BCAT1: variants seen among roughly 807,000 people sequenced by gnomAD.
BCAT1 encodes branched-chain-amino-acid aminotransferase, cytosolic.
BCAT1 carries 48 observed loss-of-function variants against 52.4 expected under a neutral mutation model. That is an observed-to-expected ratio of 0.92 (90% CI 0.73 to 1.16). The LOEUF (loss-of-function observed/expected upper bound fraction) is 1.16, where lower values mean the gene tolerates loss of function less well. Among genes scored for constraint, BCAT1 ranks in the 50% most tolerant of loss-of-function variants. The pLI is 0.00. For synonymous variants in BCAT1, 167 were observed against 161.3 expected, an observed-to-expected ratio of 1.04 and a Z score of -0.27; for missense variants, 451 against 457.1, an observed-to-expected ratio of 0.99 and a Z score of 0.12.
At chr12:24,923,154 A>T (rs1413690527) in intron 1 of BCAT1, among the ~76,000 whole-genome samples, 1 of 152,204 alleles carries the variant, frequency 6.6e-6, no homozygotes, top group Non-Finnish European at 1.5e-5. Context: ...GCAGATGTTC[A>T]GCAGAAACTT....
chr12:24,843,944 C>A (rs1158850456), intron 6 of BCAT1, among the ~76,000 whole-genome samples: 3 of 152,068 alleles, frequency 2.0e-5, no homozygotes, highest in Non-Finnish European at 4.4e-5. Flanking sequence ...TCGGCTGTGT[C>A]CATGATCACC....
intron 6 of BCAT1, among the ~76,000 whole-genome samples, chr12:24,849,583 G>A (rs925023017): frequency 1.4e-4 from 21 of 152,316 alleles, no homozygotes; most frequent in African/African-American, 4.3e-4. Context: ...ATCTAAAAGC[G>A]AGGGCACTGA....
chr12:24,912,701 A>T (rs1206954651), intron 1 of BCAT1, among the ~76,000 whole-genome samples: 8 of 45,970 alleles, frequency 1.7e-4, no homozygotes, highest in African/African-American at 2.9e-4. Flanking sequence ...CCCATCTCTA[A>T]AAAAAAAAAA....
intron 1 of BCAT1, among the ~76,000 whole-genome samples, chr12:24,943,356 G>A (rs1014338940): frequency 1.3e-5 from 2 of 151,922 alleles, no homozygotes; most frequent in African/African-American, 2.4e-5. Context: ...CACCGGGCGT[G>A]GTGGCACATG....
intron 1 of BCAT1, among the ~76,000 whole-genome samples, chr12:24,932,832 G>C (rs1943695273): frequency 6.7e-6 from 1 of 149,494 alleles, no homozygotes; most frequent in South Asian, 2.1e-4. Flanking sequence ...TTTGTTTTGA[G>C]ATGGAGTCTC....
chr12:24,867,157 C>G (rs1000800607), intron 5 of BCAT1, among the ~76,000 whole-genome samples: 5 of 152,044 alleles, frequency 3.3e-5, no homozygotes, highest in Non-Finnish European at 7.3e-5. Context: ...AGACCACGAA[C>G]CTACCAGAAG....
chr12:24,811,970 C>A lies in BCAT1; in HGVS notation c.*6038G>T, dbSNP rs1939700783. ...AATCCTTAAAAACAGTGGGTTGAGCCCCAGCTCCATGTATTAGGTAGCTAG... is the reference window on the plus strand; with the variant it reads ...AATCCTTAAAAACAGTGGGTTGAGCACCAGCTCCATGTATTAGGTAGCTAG... On this transcript the variant is annotated 3_prime_UTR_variant, in exon 11 of 11. Coordinates refer to ENST00000261192, the MANE Select transcript of BCAT1 (RefSeq NM_005504.7). The A allele has an allele frequency of 6.6e-6, 1 of 152,062 alleles. No homozygotes were observed. The highest frequency in any genetic ancestry group is 1.5e-5 in the Non-Finnish European group (1 of 67,958). 9.4% of individuals were successfully genotyped at this position (152,062 alleles called of 1,614,324 possible). A position where few individuals can be genotyped will look rare whatever the true frequency, so the allele number is the denominator to read the frequency against.
intron 2 of BCAT1, 52 bp from the exon 3 acceptor site, chr12:24,894,527 G>T: frequency 2.1e-6 from 3 of 1,443,208 alleles, no homozygotes; most frequent in African/African-American, 1.4e-5. Flanking sequence ...AGCATTCGCT[G>T]GCTAGATTAT....
At chr12:24,829,723 T>C (rs1214607187) in intron 10 of BCAT1, 100 bp downstream of exon 10, 25 of 971,140 alleles carry the variant, frequency 2.6e-5, no homozygotes, top group Non-Finnish European at 3.7e-5. Flanking sequence ...TTTAATCCTC[T>C]TCATTGAAAT....
intron 7 of BCAT1, among the ~76,000 whole-genome samples, chr12:24,837,301 A>C (rs1301945437): frequency 6.6e-6 from 1 of 152,106 alleles, no homozygotes; most frequent in African/African-American, 2.4e-5. Flanking sequence ...AATTAGAATA[A>C]TGTAGATAGG....
chr12:24,921,964 C>G (rs535393009), intron 1 of BCAT1, among the ~76,000 whole-genome samples: 1 of 152,248 alleles, frequency 6.6e-6, no homozygotes, highest in South Asian at 2.1e-4. Context: ...GATAAGAAAA[C>G]TAGCACACAT....
chr12:24,894,063 G>A (rs73061850), intron 3 of BCAT1, among the ~76,000 whole-genome samples: 21,119 of 151,970 alleles, frequency 0.14, 1,544 homozygotes, highest in East Asian at 0.24. Context: ...TTTTATTGAC[G>A]TCACAGAAAA....
chr12:24,843,936 G>A (rs967327783), intron 6 of BCAT1, among the ~76,000 whole-genome samples: 3 of 152,036 alleles, frequency 2.0e-5, no homozygotes, highest in African/African-American at 4.8e-5. Context: ...AACTGGGGTC[G>A]GCTGTGTCCA....
At chr12:24,881,179 T>C (rs1942482279) in intron 4 of BCAT1, 122 bp downstream of exon 4, 2 of 711,154 alleles carry the variant, frequency 2.8e-6, no homozygotes, top group South Asian at 2.2e-5. Context: ...AGAAATAATG[T>C]TAATGTTCAT....
chr12:24,825,503 G>A (rs1308605205), intron 10 of BCAT1, among the ~76,000 whole-genome samples: 1 of 150,858 alleles, frequency 6.6e-6, no homozygotes, highest in Non-Finnish European at 1.5e-5. Context: ...TTTAACTAGG[G>A]CAAGTGGATT....
At chr12:24,891,548 C>A (rs1942837417) in intron 3 of BCAT1, among the ~76,000 whole-genome samples, 1 of 152,088 alleles carries the variant, frequency 6.6e-6, no homozygotes, top group South Asian at 2.1e-4. Context: ...GGTAACCATG[C>A]AATATACAAT....
At chr12:24,862,572 A>C (rs1052550248) in intron 5 of BCAT1, among the ~76,000 whole-genome samples, 1 of 152,184 alleles carries the variant, frequency 6.6e-6, no homozygotes, top group Non-Finnish European at 1.5e-5. Context: ...CCCCAAAGTG[A>C]CTTGTGATGC....
intron 6 of BCAT1, among the ~76,000 whole-genome samples, chr12:24,847,309 T>C (rs1377112024): frequency 4.6e-5 from 7 of 152,228 alleles, no homozygotes; most frequent in Admixed American, 4.6e-4. Context: ...TTTCTACCAT[T>C]ACCAATGCCT....
At chr12:24,932,724 C>T (rs1565504338) in intron 1 of BCAT1, among the ~76,000 whole-genome samples, 2 of 152,218 alleles carry the variant, frequency 1.3e-5, no homozygotes, top group Non-Finnish European at 2.9e-5. Context: ...GCAACCTCCA[C>T]CTCCTGGGTT....
Sources: allele counts gnomAD v4.1 joint callset (sites outside exome capture counted in the v4.1 genomes callset), GRCh38; gene constraint gnomAD v4.1.1; transcripts MANE v1.5; gene names NCBI Gene and HGNC (gene_info 2026-07-23, HGNC 2026-07-21).